DAB1: variants seen among roughly 807,000 people sequenced by gnomAD.
DAB1 encodes DAB adaptor protein 1, also known as disabled homolog 1.
In DAB1, 15 loss-of-function variants were observed where a neutral mutation model predicts 64.6. The observed-to-expected ratio is 0.23, with a 90% CI of 0.16 to 0.36. DAB1 has a LOEUF of 0.36. DAB1 is among the 10% of genes least tolerant of loss of function. The probability of loss-of-function intolerance (pLI) is 1.00; values close to 1 mark genes in which losing one functional copy is unlikely to be tolerated. For synonymous variants in DAB1, 235 were observed against 251.9 expected (o/e 0.93, Z 0.64); for missense variants, 596 against 706.7 (o/e 0.84, Z 1.78).
At chr1:57,335,959 AT>A (rs888240655) in intron 1 of DAB1, among the ~76,000 whole-genome samples, 1 of 152,204 alleles carries the variant, frequency 6.6e-6, no homozygotes, top group African/African-American at 2.4e-5. Flanking sequence ...ACAAATAATC[AT>A]TGTTGGCATC....
intron 4 of DAB1, among the ~76,000 whole-genome samples, chr1:58,285,483 A>T (rs1027895939): frequency 2.6e-5 from 4 of 152,210 alleles, no homozygotes; most frequent in South Asian, 4.1e-4. Context: ...CAGGATACAA[A>T]ATCAATGTGT....
At chr1:57,660,360 A>G (rs1057276589) in intron 6 of DAB1, among the ~76,000 whole-genome samples, 4 of 152,172 alleles carry the variant, frequency 2.6e-5, no homozygotes, top group Non-Finnish European at 5.9e-5. Context: ...TCTTCCACCA[A>G]GCTGTGTCTG....
At chr1:57,259,842 G>T (rs1384931473) in intron 2 of DAB1, among the ~76,000 whole-genome samples, 2 of 152,132 alleles carry the variant, frequency 1.3e-5, no homozygotes, top group African/African-American at 4.8e-5. Flanking sequence ...TATCTTAGAA[G>T]GTTTTCACAG....
intron 4 of DAB1, among the ~76,000 whole-genome samples, chr1:58,209,761 A>G (rs1658460031): frequency 6.6e-6 from 1 of 152,202 alleles, no homozygotes; most frequent in Admixed American, 6.5e-5. Flanking sequence ...AGCCCCTAGT[A>G]TATATGGTAT....
intron 2 of DAB1, among the ~76,000 whole-genome samples, chr1:57,258,037 A>G (rs1158902860): frequency 3.9e-5 from 6 of 152,220 alleles, no homozygotes; most frequent in Non-Finnish European, 7.3e-5. Context: ...TGAAAGGTCA[A>G]TTTTTCAACC....
At chr1:57,097,448 T>C (rs1369053093) in intron 4 of DAB1, among the ~76,000 whole-genome samples, 1 of 152,226 alleles carries the variant, frequency 6.6e-6, no homozygotes, top group African/African-American at 2.4e-5. Context: ...TTGCATCCAA[T>C]GCTTATGCAC....
intron 1 of DAB1, among the ~76,000 whole-genome samples, chr1:57,348,683 C>G (rs1485552131): frequency 6.6e-6 from 1 of 152,134 alleles, no homozygotes; most frequent in African/African-American, 2.4e-5. Flanking sequence ...CTTCTCCCCT[C>G]TACGAGAACC....
At chr1:58,370,798 T>G (rs914575271) in intron 3 of DAB1, among the ~76,000 whole-genome samples, 2 of 152,204 alleles carry the variant, frequency 1.3e-5, no homozygotes, top group African/African-American at 4.8e-5. Flanking sequence ...CAGTTTCCCC[T>G]TCACTCTCAT....
At chr1:58,521,126 C>T (rs1342624841) in intron 2 of DAB1, among the ~76,000 whole-genome samples, 1 of 152,058 alleles carries the variant, frequency 6.6e-6, no homozygotes, top group Non-Finnish European at 1.5e-5. Context: ...AGCTAGAAAT[C>T]GAAAACAAAA....
intron 6 of DAB1, among the ~76,000 whole-genome samples, chr1:57,657,286 G>A (rs1646330293): frequency 6.6e-6 from 1 of 152,180 alleles, no homozygotes; most frequent in South Asian, 2.1e-4. Flanking sequence ...ACAGCTGTTG[G>A]ATGAGGGTAG....
At chr1:58,508,492 A>T (rs1436655426) in intron 2 of DAB1, among the ~76,000 whole-genome samples, 1 of 152,186 alleles carries the variant, frequency 6.6e-6, no homozygotes, top group Non-Finnish European at 1.5e-5. Context: ...CAAACCTGGT[A>T]GAAGACTGGA....
chr1:57,299,518 A>G (rs1673459630), intron 1 of DAB1, among the ~76,000 whole-genome samples: 1 of 152,258 alleles, frequency 6.6e-6, no homozygotes, highest in African/African-American at 2.4e-5. Context: ...TGGCATACTC[A>G]GCAACATTTC....
chr1:57,366,791 G>T (rs1270980430), intron 1 of DAB1, among the ~76,000 whole-genome samples: 1 of 152,088 alleles, frequency 6.6e-6, no homozygotes, highest in Non-Finnish European at 1.5e-5. Context: ...CACACAGCCA[G>T]CAAAGGACAG....
chr1:57,786,601 G>T (rs1285533447), intron 6 of DAB1, among the ~76,000 whole-genome samples: 1 of 152,140 alleles, frequency 6.6e-6, no homozygotes, highest in African/African-American at 2.4e-5. Flanking sequence ...CTGTTCATTA[G>T]ATCCTGTTAA....
At chr1:58,457,368 T>C (rs1003308147) in intron 3 of DAB1, among the ~76,000 whole-genome samples, 15 of 151,466 alleles carry the variant, frequency 9.9e-5, no homozygotes, top group African/African-American at 2.4e-4. Context: ...TTCGGGGAGG[T>C]AGTGAGAAAA....
chr1:57,033,496 T>G, intron 9 of DAB1: 1 of 1,612,836 alleles, frequency 6.2e-7, no homozygotes, highest in Non-Finnish European at 8.5e-7. Flanking sequence ...CATGAAACAG[T>G]TAACCAGAGA....
chr1:57,828,634 A>C (rs1394284237), intron 1 of DAB1, among the ~76,000 whole-genome samples: 1 of 152,250 alleles, frequency 6.6e-6, no homozygotes, highest in Non-Finnish European at 1.5e-5. Context: ...TAATGTATTG[A>C]GTCTTAGATT....
chr1:57,607,165 TTA>T (rs1407707449), intron 7 of DAB1, among the ~76,000 whole-genome samples: 10 of 152,156 alleles, frequency 6.6e-5, no homozygotes, highest in Non-Finnish European at 1.5e-4. Flanking sequence ...TTTATTTAAA[TTA>T]AATTGAATAA....
chr1:58,073,466 A>T (rs995880944), intron 5 of DAB1, among the ~76,000 whole-genome samples: 1 of 152,168 alleles, frequency 6.6e-6, no homozygotes, highest in Non-Finnish European at 1.5e-5. Flanking sequence ...AACATTCTGT[A>T]CTTGCTCTCC....
Sources: gnomAD v4.1 joint callset for allele counts (sites outside exome capture counted in the v4.1 genomes callset) on GRCh38, gnomAD v4.1.1 for gene constraint, MANE v1.5 for transcripts, NCBI Gene and HGNC (gene_info 2026-07-23, HGNC 2026-07-21) for gene names.